STX8: variants seen among roughly 807,000 people sequenced by gnomAD.
STX8 encodes syntaxin 8, also known as syntaxin-8.
A neutral mutation model predicts 37.5 loss-of-function variants in STX8; 23 were observed. The ratio of observed to expected loss-of-function variants is 0.61; its 90% CI spans 0.44 to 0.87. STX8 has a LOEUF of 0.87. Ranked by LOEUF, STX8 falls within the 40% of genes least tolerant of loss-of-function variation. STX8 has a pLI of 0.00. For synonymous variants in STX8, 115 were observed against 99.1 expected, an observed-to-expected ratio of 1.16 and a Z score of -0.95; for missense variants, 313 against 284.7, an observed-to-expected ratio of 1.10 and a Z score of -0.71.
chr17:9,408,943 G>A (rs145289605), intron 6 of STX8, among the ~76,000 whole-genome samples: 5 of 152,154 alleles, frequency 3.3e-5, no homozygotes, highest in South Asian at 4.2e-4. Flanking sequence ...AGAAAGAATC[G>A]TACCTACTGG....
intron 4 of STX8, among the ~76,000 whole-genome samples, chr17:9,544,316 ATCAACC>A (rs1301109195): frequency 1.3e-5 from 2 of 152,154 alleles, no homozygotes; most frequent in African/African-American, 4.8e-5. Context: ...TTTACGGTTC[ATCAACC>A]TCAGCCTTGG....
chr17:9,453,995 G>A (rs1456656946), intron 6 of STX8, among the ~76,000 whole-genome samples: 1 of 151,986 alleles, frequency 6.6e-6, no homozygotes, highest in Non-Finnish European at 1.5e-5. Context: ...TTCAGACACT[G>A]GTGCAAAGGA....
intron 7 of STX8, among the ~76,000 whole-genome samples, chr17:9,307,402 CT>C (rs1909038296): frequency 1.3e-5 from 2 of 152,208 alleles, no homozygotes; most frequent in African/African-American, 4.8e-5. Context: ...TGACTTCGGT[CT>C]TCCTCTCGGG....
At chr17:9,550,673 C>T (rs959438242) in intron 3 of STX8, among the ~76,000 whole-genome samples, 3 of 152,322 alleles carry the variant, frequency 2.0e-5, no homozygotes, top group South Asian at 2.1e-4. Context: ...CTGCTGTAGC[C>T]TGGTGAGCAT....
chr17:9,359,653 G>A (rs947208714), intron 7 of STX8, among the ~76,000 whole-genome samples: 5 of 151,518 alleles, frequency 3.3e-5, no homozygotes, highest in African/African-American at 7.3e-5. Flanking sequence ...GACTACAAGC[G>A]CCGACCACCA....
chr17:9,254,840 C>T (rs768456109), intron 7 of STX8, among the ~76,000 whole-genome samples: 14 of 152,056 alleles, frequency 9.2e-5, no homozygotes, highest in African/African-American at 1.4e-4. Context: ...CACACACACG[C>T]GCACGTGTGT....
chr17:9,467,707 A>C (rs555406009), intron 6 of STX8, among the ~76,000 whole-genome samples: 7 of 152,298 alleles, frequency 4.6e-5, no homozygotes, highest in Admixed American at 2.6e-4. Context: ...TGTGCTGCTT[A>C]ATCCACTCTC....
chr17:9,511,039 C>T (rs1414704193), intron 4 of STX8, among the ~76,000 whole-genome samples: 1 of 152,020 alleles, frequency 6.6e-6, no homozygotes, highest in Non-Finnish European at 1.5e-5. Flanking sequence ...ACACATACAA[C>T]CTATCAAGAT....
intron 5 of STX8, among the ~76,000 whole-genome samples, chr17:9,502,031 G>A (rs943094571): frequency 6.6e-6 from 1 of 152,118 alleles, no homozygotes; most frequent in South Asian, 2.1e-4. Flanking sequence ...GAATGGCTAT[G>A]ATCAAAAAGA....
intron 6 of STX8, among the ~76,000 whole-genome samples, chr17:9,460,466 A>C (rs1905329995): frequency 6.6e-6 from 1 of 152,154 alleles, no homozygotes; most frequent in Non-Finnish European, 1.5e-5. Flanking sequence ...TGAGGTCAGG[A>C]ATTCAAGACC....
At chr17:9,311,912 AT>A (rs1467373445) in intron 7 of STX8, among the ~76,000 whole-genome samples, 8 of 151,464 alleles carry the variant, frequency 5.3e-5, no homozygotes, top group Non-Finnish European at 1.5e-5. Context: ...CAGCAGCGTG[AT>A]CTTGGCTCAC....
At chr17:9,408,661 T>C (rs1002079003) in intron 6 of STX8, among the ~76,000 whole-genome samples, 24 of 152,228 alleles carry the variant, frequency 1.6e-4, no homozygotes, top group African/African-American at 5.3e-4. Context: ...CCTACGTGTT[T>C]AGTAACATAG....
chr17:9,329,284 T>C (rs890324157), intron 7 of STX8, among the ~76,000 whole-genome samples: 1 of 152,164 alleles, frequency 6.6e-6, no homozygotes, highest in African/African-American at 2.4e-5. Flanking sequence ...CACCTCCTTT[T>C]ATAGGCATGT....
intron 6 of STX8, among the ~76,000 whole-genome samples, chr17:9,436,572 T>G (rs959421977): frequency 5.3e-5 from 8 of 152,162 alleles, no homozygotes; most frequent in African/African-American, 1.9e-4. Flanking sequence ...ACAGACACTT[T>G]GACCTACTTG....
chr17:9,352,967 C>T (rs940950982), intron 7 of STX8, among the ~76,000 whole-genome samples: 17 of 152,034 alleles, frequency 1.1e-4, no homozygotes, highest in African/African-American at 3.4e-4. Context: ...TCAAAGCTCA[C>T]TGCAGCCTTT....
At chr17:9,295,335 AAAG>A (rs1908475408) in intron 7 of STX8, among the ~76,000 whole-genome samples, 1 of 152,238 alleles carries the variant, frequency 6.6e-6, no homozygotes, top group African/African-American at 2.4e-5. Flanking sequence ...GAGCCCCTTG[AAAG>A]AAGAGACCAC....
At chr17:9,321,850 G>A (rs113855858) in intron 7 of STX8, among the ~76,000 whole-genome samples, 14 of 152,054 alleles carry the variant, frequency 9.2e-5, no homozygotes, top group African/African-American at 2.2e-4. Context: ...GCAAATAATC[G>A]CCAAAAAACA....
intron 6 of STX8, among the ~76,000 whole-genome samples, chr17:9,466,770 G>A (rs1277709374): frequency 6.6e-6 from 1 of 152,258 alleles, no homozygotes; most frequent in East Asian, 1.9e-4. Context: ...TGAGAACCTG[G>A]GGAATCTCAA....
In STX8 at chr17:9,484,397, A is replaced by AG. The variant is rs1158386799; in HGVS notation, c.541+7431_541+7432insC. Among the ~76,000 whole-genome samples the AG allele has an allele frequency of 3.3e-5, 5 of 151,954 alleles. No individual in the cohort carries two copies. The East Asian group carries it at 9.6e-4, about 29-fold the overall frequency. ...CCAACCTAAGCTCAAAAAAAAAAAAAAAAAAGTCAGCAGTAGCTAAAGCAA... is the reference window on the plus strand; with the variant it reads ...CCAACCTAAGCTCAAAAAAAAAAAAAGAAAAAGTCAGCAGTAGCTAAAGCAA... On this transcript the variant is annotated intron_variant, in intron 6 of 7. Coordinates refer to ENST00000306357, the MANE Select transcript of STX8 (RefSeq NM_004853.3).
Sources: gnomAD v4.1 joint callset for allele counts (sites outside exome capture counted in the v4.1 genomes callset) on GRCh38, gnomAD v4.1.1 for gene constraint, MANE v1.5 for transcripts, NCBI Gene and HGNC (gene_info 2026-07-23, HGNC 2026-07-21) for gene names.